The following GRIK2 variants were observed in gnomAD, a reference collection of about 807,000 sequenced individuals.
The protein encoded by GRIK2 is glutamate receptor ionotropic, kainate 2.
GRIK2 carries 32 observed loss-of-function variants against 100.3 expected under a neutral mutation model. The observed-to-expected ratio is 0.32, with a 90% confidence interval of 0.24 to 0.43. The LOEUF (loss-of-function observed/expected upper bound fraction) is 0.43. Among genes scored for constraint, GRIK2 ranks in the 20% least tolerant of loss-of-function variants. The pLI, the probability that GRIK2 is intolerant of heterozygous loss-of-function variation, is 1.00. For missense variants in GRIK2, 843 were observed against 1,114.9 expected, an observed-to-expected ratio of 0.76 and a Z score of 3.47; for synonymous variants, 417 against 389.4, an observed-to-expected ratio of 1.07 and a Z score of -0.83.
intron 10 of GRIK2, among the ~76,000 whole-genome samples, chr6:101,820,808 T>A (rs902933589): frequency 1.3e-5 from 2 of 152,192 alleles, no homozygotes; most frequent in Non-Finnish European, 2.9e-5. Context: ...TCTCAAATGC[T>A]ACCCACTTCA....
intron 15 of GRIK2, among the ~76,000 whole-genome samples, chr6:102,053,751 G>A (rs900022213): frequency 6.6e-6 from 1 of 152,110 alleles, no homozygotes; most frequent in Non-Finnish European, 1.5e-5. Flanking sequence ...TGGACAGACA[G>A]ACAGATAATA....
intron 13 of GRIK2, among the ~76,000 whole-genome samples, chr6:101,926,975 C>G (rs986305086): frequency 2.0e-5 from 3 of 152,168 alleles, no homozygotes; most frequent in African/African-American, 7.2e-5. Flanking sequence ...AAATAGGCAG[C>G]CAATGCTGCT....
intron 2 of GRIK2, among the ~76,000 whole-genome samples, chr6:101,426,281 G>A (rs778558063): frequency 5.9e-5 from 9 of 152,090 alleles, no homozygotes; most frequent in Non-Finnish European, 8.8e-5. Flanking sequence ...CCTTGTCTCT[G>A]TTGTGTAAGA....
At chr6:101,594,865 TC>T (rs764709866) in intron 2 of GRIK2, among the ~76,000 whole-genome samples, 2 of 151,742 alleles carry the variant, frequency 1.3e-5, no homozygotes, top group East Asian at 3.9e-4. Flanking sequence ...TGGTGAGACA[TC>T]TTTTTGTGTT....
At chr6:101,946,801 T>C (rs1582592781) in intron 14 of GRIK2, among the ~76,000 whole-genome samples, 1 of 152,012 alleles carries the variant, frequency 6.6e-6, no homozygotes, top group African/African-American at 2.4e-5. Flanking sequence ...TTGTAAACCA[T>C]TTATTTTTGC....
At chr6:101,596,997 C>CAAT (rs1387796901) in intron 2 of GRIK2, among the ~76,000 whole-genome samples, 2 of 151,640 alleles carry the variant, frequency 1.3e-5, no homozygotes, top group African/African-American at 4.8e-5. Context: ...CCTAGGTGCC[C>CAAT]AATAATGGTA....
chr6:101,682,539 T>TC lies in GRIK2; in HGVS notation c.724-14_724-13insC. On this transcript the variant is annotated splice_polypyrimidine_tract_variant and intron_variant, in intron 5 of 16. Transcript: ENST00000369134. ...CTGAAATATGTACCTTCAGTAATTTTTTTTTTTCCTTAGGCATTAGCTATG... is the reference window on the plus strand; with the variant it reads ...CTGAAATATGTACCTTCAGTAATTTTCTTTTTTTCCTTAGGCATTAGCTATG... 8.6e-7 allele frequency: 1 copy of TC among 1,167,286 alleles called. No individual in the cohort carries two copies. The highest frequency in any genetic ancestry group is 1.3e-6 in the Non-Finnish European group (1 of 781,094). The allele number at this position is 1,167,286 out of a possible 1,614,324, so 72.3% of individuals were successfully genotyped here. A position where few individuals can be genotyped will look rare whatever the true frequency, so the allele number is the denominator to read the frequency against.
chr6:101,918,584 C>T (rs969015344), intron 12 of GRIK2, among the ~76,000 whole-genome samples: 8 of 151,652 alleles, frequency 5.3e-5, no homozygotes, highest in African/African-American at 1.5e-4. Flanking sequence ...AGTTTGAAAA[C>T]GGCTTTGCAC....
intron 7 of GRIK2, among the ~76,000 whole-genome samples, chr6:101,760,603 TATA>T (rs1386883482): frequency 1.6e-5 from 1 of 62,556 alleles, no homozygotes; most frequent in Non-Finnish European, 2.3e-5. Context: ...TATAATTATA[TATA>T]ATTATATTTA....
chr6:102,050,649 A>G (rs1274566369), intron 15 of GRIK2, among the ~76,000 whole-genome samples: 2 of 125,924 alleles, frequency 1.6e-5, no homozygotes, highest in Admixed American at 7.8e-5. Flanking sequence ...AACTCGGTCT[A>G]AAAAAAAAAA....
At chr6:102,037,732 A>G (rs927166936) in intron 15 of GRIK2, among the ~76,000 whole-genome samples, 9 of 151,304 alleles carry the variant, frequency 5.9e-5, no homozygotes, top group Non-Finnish European at 1.3e-4. Context: ...ATCGCCAGTA[A>G]GGCTTTGGTT....
chr6:101,524,718 G>GTT (rs11339091), intron 2 of GRIK2, among the ~76,000 whole-genome samples: 3 of 134,278 alleles, frequency 2.2e-5, no homozygotes, highest in East Asian at 2.2e-4. Context: ...TTGCATGTTC[G>GTT]TTTTTTTTTT....
intron 14 of GRIK2, among the ~76,000 whole-genome samples, chr6:101,945,525 ACAGCTCTC>A (rs765883803): frequency 1.3e-5 from 2 of 152,078 alleles, no homozygotes; most frequent in Non-Finnish European, 2.9e-5. Flanking sequence ...AAAGCTATTC[ACAGCTCTC>A]CATATCTATC....
intron 2 of GRIK2, among the ~76,000 whole-genome samples, chr6:101,400,224 A>G (rs1203648261): frequency 6.6e-6 from 1 of 152,116 alleles, no homozygotes; most frequent in Non-Finnish European, 1.5e-5. Flanking sequence ...AGGTAGTTAC[A>G]TTTTTTTATG....
intron 10 of GRIK2, among the ~76,000 whole-genome samples, chr6:101,847,895 C>T (rs1192839285): frequency 1.3e-5 from 2 of 152,052 alleles, no homozygotes; most frequent in East Asian, 3.9e-4. Context: ...CTTGCCCCTA[C>T]TTTTCCCTCT....
chr6:102,050,053 A>G (rs923167378), intron 15 of GRIK2, among the ~76,000 whole-genome samples: 14 of 152,142 alleles, frequency 9.2e-5, no homozygotes, highest in African/African-American at 3.4e-4. Context: ...TATTAGTCCT[A>G]TATTATCTAG....
At chr6:101,824,025 C>A (rs956478846) in intron 10 of GRIK2, among the ~76,000 whole-genome samples, 1 of 151,788 alleles carries the variant, frequency 6.6e-6, no homozygotes, top group African/African-American at 2.4e-5. Flanking sequence ...TGCCACCATG[C>A]CTGGCTAATT....
In GRIK2 at chr6:101,626,464, A is replaced by G. The variant is rs539384296; in HGVS notation, c.368A>G (p.Asn123Ser). 25 of 1,613,306 alleles carry G rather than the reference A, an allele frequency of 1.5e-5. No individual in the cohort carries two copies. The East Asian group carries it at 1.6e-4, about 10-fold the overall frequency. Residue 123 changes from asparagine (N) to serine (S), a missense_variant, in exon 4 of 17, where the codon AAT becomes AGT. Around this residue, in one of 3 missense-constraint regions of GRIK2, gnomAD observed 519 missense variants for 643.8 expected, o/e 0.81. Transcript: ENST00000369134. Reference protein sequence around the residue: ...SSANAVQSICNALGVPHIQTR... With the variant: ...SSANAVQSICSALGVPHIQTR... ...GCAAACGCAGTGCAGTCCATCTGCA[A>G]TGCTCTGGGAGTTCCCCACATACAG...
chr6:101,543,620 G>A (rs1000940777), intron 2 of GRIK2, among the ~76,000 whole-genome samples: 6 of 152,076 alleles, frequency 3.9e-5, no homozygotes, highest in South Asian at 2.1e-4. Context: ...CTGGCCTCCC[G>A]AGCCTGTGTT....
Sources: gnomAD v4.1 joint callset for allele counts (sites outside exome capture counted in the v4.1 genomes callset) on GRCh38, gnomAD v4.1.1 for gene constraint, gnomAD v4.1.1 regional missense constraint, MANE v1.5 for transcripts, NCBI Gene and HGNC (gene_info 2026-07-23, HGNC 2026-07-21) for gene names.